The following LARP1 variants were observed in gnomAD, a reference collection of about 807,000 sequenced individuals.
LARP1 encodes the protein La ribonucleoprotein 1, translational regulator.
LARP1 carries 36 observed loss-of-function variants against 122.7 expected under a neutral mutation model. The observed-to-expected ratio is 0.29, with a 90% CI of 0.22 to 0.39. The LOEUF is 0.39. Ranked by LOEUF, LARP1 falls within the 10% of genes least tolerant of loss-of-function variation. The pLI, the probability that LARP1 is intolerant of heterozygous loss-of-function variation, is 1.00. For missense variants in LARP1, 1,040 were observed against 1,403.6 expected (o/e 0.74, Z 4.14); for synonymous variants, 539 against 528.7 (o/e 1.02, Z -0.27).
At chr5:154,686,333 A>G (rs1753941214) in intron 1 of LARP1, among the ~76,000 whole-genome samples, 1 of 152,166 alleles carries the variant, frequency 6.6e-6, no homozygotes, top group South Asian at 2.1e-4. Flanking sequence ...GCTGGGTCTG[A>G]CGGAACAGAT....
chr5:154,808,469 C>T lies in LARP1; in HGVS notation c.2709C>T (p.Arg903=). 1 of 1,612,876 alleles carries T rather than the reference C, an allele frequency of 6.2e-7. No individual in the cohort carries two copies. The highest frequency in any genetic ancestry group is 8.5e-7 in the Non-Finnish European group (1 of 1,179,694). ...TTTCTTTCCCATCAGAGCGGAAACG[C>T]TTGGGCATTGGCCAGTCTCAGGAGA... ...YRRRCLNERK[R]LGIGQSQEMN... Residue 903 remains arginine (R), a synonymous_variant, in exon 16 of 19, where the codon CGC becomes CGT. Transcript: ENST00000518297.
At position 154,792,619 on chromosome 5, in the gene LARP1, T is replaced by C; in HGVS notation, c.565-3T>C. 1 of 1,613,742 alleles carries C rather than the reference T, an allele frequency of 6.2e-7. No homozygotes were observed. The highest frequency in any genetic ancestry group is 8.5e-7 in the Non-Finnish European group (1 of 1,179,814). Reference sequence around the variant, plus strand: ...CTCACTGTTACTTTACTTCCTGCTATAGCCACAGTCCCACAAGCCTCAGCC... The same window carrying C: ...CTCACTGTTACTTTACTTCCTGCTACAGCCACAGTCCCACAAGCCTCAGCC... On this transcript the variant is annotated splice_polypyrimidine_tract_variant and splice_region_variant and intron_variant, in intron 3 of 18. Transcript: ENST00000518297.
chr5:154,697,575 A>G (rs887865026), intron 1 of LARP1, among the ~76,000 whole-genome samples: 2 of 152,244 alleles, frequency 1.3e-5, no homozygotes, highest in Non-Finnish European at 2.9e-5. Context: ...AATGTTATTC[A>G]GCCATAACAG....
At chr5:154,706,730 A>C (rs2113273050) in intron 1 of LARP1, among the ~76,000 whole-genome samples, 2 of 150,526 alleles carry the variant, frequency 1.3e-5, no homozygotes, top group Middle Eastern at 6.9e-3. Flanking sequence ...GAAAGTTGGA[A>C]AAAAAAAAAA....
chr5:154,785,508 TTG>T (rs1756809596), intron 1 of LARP1, among the ~76,000 whole-genome samples: 1 of 152,182 alleles, frequency 6.6e-6, no homozygotes, highest in South Asian at 2.1e-4. Flanking sequence ...TATGCTCTGT[TTG>T]TTTAACTGTT....
At chr5:154,691,441 G>GTGGCCGCC (rs1351224696) in intron 1 of LARP1, among the ~76,000 whole-genome samples, 4 of 152,128 alleles carry the variant, frequency 2.6e-5, no homozygotes, top group African/African-American at 9.7e-5. Context: ...CCCCTGCGAC[G>GTGGCCGCC]TGGCCGCCTG....
intron 8 of LARP1, among the ~76,000 whole-genome samples, chr5:154,795,886 T>G (rs1757720815): frequency 7.8e-6 from 1 of 128,996 alleles, no homozygotes; most frequent in East Asian, 2.0e-4. Context: ...AAATATACAT[T>G]TATATATATT....
At chr5:154,685,770 A>G in intron 1 of LARP1, 1 of 495,106 alleles carries the variant, frequency 2.0e-6, no homozygotes, top group Non-Finnish European at 4.0e-6. Flanking sequence ...CGGGAGTTTG[A>G]GATCAGGCTG....
intron 1 of LARP1, among the ~76,000 whole-genome samples, chr5:154,703,350 G>GGGT (rs1754810051): frequency 6.6e-6 from 1 of 152,144 alleles, no homozygotes; most frequent in Non-Finnish European, 1.5e-5. Flanking sequence ...TCAGCACCTA[G>GGGT]GGTAGCTCAG....
rs1758381151 is a variant in LARP1 at position 154,801,898 on chromosome 5, T to C, written c.1717-109T>C. 3.9e-6 allele frequency: 4 copies of C among 1,038,642 alleles called. No homozygotes were observed. In the Admixed American group the frequency reaches 7.9e-5, roughly 20 times the overall value. The allele number at this position is 1,038,642 out of a possible 1,614,324, so 64.3% of individuals were successfully genotyped here. On this transcript the variant is annotated intron_variant, in intron 10 of 18. Transcript: ENST00000518297. Reference sequence around the variant, plus strand: ...CTGCTGGTGTTACCAGGGTCATAGTTGAACAGTCTTATGTTGAGAGGCTGG... The same window carrying C: ...CTGCTGGTGTTACCAGGGTCATAGTCGAACAGTCTTATGTTGAGAGGCTGG...
In LARP1 at chr5:154,816,663, G is replaced by C. The variant is rs890298354; in HGVS notation, c.*2567G>C. ...CGATGTATCTGTGACAAGCATGCCA[G>C]AAGTGGCAGGGGCCATCAGGGCTAA... On this transcript the variant is annotated 3_prime_UTR_variant, in exon 19 of 19. Transcript: ENST00000518297. 3.9e-5 allele frequency: 6 copies of C among 152,670 alleles called. No homozygotes were observed. The highest frequency in any genetic ancestry group is 5.9e-5 in the Non-Finnish European group (4 of 68,080). 9.5% of individuals were successfully genotyped at this position (152,670 alleles called of 1,614,324 possible).
At chr5:154,783,248 G>A (rs1370048714) in intron 1 of LARP1, among the ~76,000 whole-genome samples, 1 of 152,206 alleles carries the variant, frequency 6.6e-6, no homozygotes, top group Non-Finnish European at 1.5e-5. Context: ...GGAACTGGGA[G>A]GTGGGTCTGG....
chr5:154,726,054 G>A (rs1456773967), intron 1 of LARP1, among the ~76,000 whole-genome samples: 2 of 152,084 alleles, frequency 1.3e-5, no homozygotes, highest in African/African-American at 4.8e-5. Flanking sequence ...TGCCCAGGCT[G>A]GTCTCAAACT....
chr5:154,756,251 C>A (rs1753884489), intron 1 of LARP1, 58 bp downstream of exon 1: 2 of 1,143,066 alleles, frequency 1.7e-6, no homozygotes, highest in Non-Finnish European at 2.2e-6. Context: ...ACATGGGAGT[C>A]CCCTCCCCCA....
intron 1 of LARP1, among the ~76,000 whole-genome samples, chr5:154,741,032 A>C (rs1045970580): frequency 6.6e-6 from 1 of 152,166 alleles, no homozygotes; most frequent in Non-Finnish European, 1.5e-5. Flanking sequence ...GTGGCTGTGC[A>C]TGGATCATCC....
chr5:154,810,246 G>A (rs1164461960), intron 16 of LARP1, among the ~76,000 whole-genome samples: 2 of 151,356 alleles, frequency 1.3e-5, no homozygotes, highest in African/African-American at 4.8e-5. Context: ...GACCAGCCTG[G>A]CCAACATGGT....
chr5:154,731,979 G>A (rs917640685), intron 1 of LARP1, among the ~76,000 whole-genome samples: 4 of 150,620 alleles, frequency 2.7e-5, no homozygotes, highest in Non-Finnish European at 2.9e-5. Flanking sequence ...CCGAGATCAC[G>A]CCACTGCACT....
Position 154,794,233 on chromosome 5 carries a change from A to G in LARP1, c.1203A>G (p.Glu401=). The part of the protein sequence containing the change: ...SSTELYSVDQ[E]LLKDYIKRQI... ...CCGAGCTTTACAGTGTGGATCAGGA[A>G]CTGCTCAAAGACTACATCAAGCGCC... is the stretch of plus-strand genomic sequence containing the variant. The change falls in exon 7 of 19, where the codon GAA becomes GAG. Residue 401 remains glutamate, a synonymous_variant. Coordinates refer to ENST00000518297, the MANE Select transcript of LARP1 (RefSeq NM_033551.3). 6.2e-7 allele frequency: 1 copy of G among 1,614,104 alleles called. No individual in the cohort carries two copies. The highest frequency in any genetic ancestry group is 8.5e-7 in the Non-Finnish European group (1 of 1,179,990).
chr5:154,693,294 C>T (rs989894308), intron 1 of LARP1, among the ~76,000 whole-genome samples: 1 of 152,070 alleles, frequency 6.6e-6, no homozygotes, highest in Non-Finnish European at 1.5e-5. Flanking sequence ...TGAGCCACCA[C>T]GCCCTGCTAA....
Sources: allele counts gnomAD v4.1 joint callset (sites outside exome capture counted in the v4.1 genomes callset), GRCh38; gene constraint gnomAD v4.1.1; transcripts MANE v1.5; gene names NCBI Gene and HGNC (gene_info 2026-07-23, HGNC 2026-07-21).